The following ZNF536 variants were observed in gnomAD, a reference collection of about 807,000 sequenced individuals.
ZNF536 encodes the protein zinc finger protein 536.
ZNF536 carries 13 observed loss-of-function variants against 84.5 expected under a neutral mutation model. The observed-to-expected ratio is 0.15, with a 90% CI of 0.10 to 0.24. The LOEUF (loss-of-function observed/expected upper bound fraction) is 0.24, where lower values mean the gene tolerates loss of function less well. Ranked by LOEUF, ZNF536 falls within the 10% of genes least tolerant of loss-of-function variation. ZNF536 has a pLI of 1.00. For synonymous variants in ZNF536, 811 were observed against 742.5 expected (o/e 1.09, Z -1.50); for missense variants, 1,536 against 1,747.5 (o/e 0.88, Z 2.16).
chr19:30,666,802 A>G lies in ZNF536; in HGVS notation c.170-43955A>G, dbSNP rs114253540. ...ATATATTCAAAAATATATATGTAAA[A>G]TATATGTATGTGTATATATGTGTGT... On this transcript the variant is annotated intron_variant, in intron 1 of 1. Coordinates refer to the ZNF536 transcript ENST00000592773. Among the ~76,000 whole-genome samples, 482 of 150,322 alleles carry G rather than the reference A, an allele frequency of 3.2e-3. 3 individuals are homozygous for G. The highest frequency in any genetic ancestry group is 0.011 in the African/African-American group (455 of 40,980).
intron 1 of ZNF536, among the ~76,000 whole-genome samples, chr19:30,232,214 A>G (rs1306806790): frequency 6.6e-6 from 1 of 152,154 alleles, no homozygotes; most frequent in Non-Finnish European, 1.5e-5. Context: ...GCCTGGTGAT[A>G]AGGGCTGCTG....
chr19:30,597,078 G>A (rs534417746), intron 1 of ZNF536, among the ~76,000 whole-genome samples: 1 of 152,250 alleles, frequency 6.6e-6, no homozygotes, highest in South Asian at 2.1e-4. Context: ...TCCCTTAAAT[G>A]TGCTAGGCTG....
At chr19:30,385,573 G>A (rs1454493757) in intron 1 of ZNF536, among the ~76,000 whole-genome samples, 1 of 152,026 alleles carries the variant, frequency 6.6e-6, no homozygotes, top group African/African-American at 2.4e-5. Flanking sequence ...GTTAACATCC[G>A]GACTTGACAT....
At chr19:30,562,105 G>A (rs538985329), downstream of ZNF536, among the ~76,000 whole-genome samples, 7 of 152,182 alleles carry the variant, frequency 4.6e-5, no homozygotes, top group East Asian at 3.9e-4. Context: ...GATAACTCAC[G>A]TGTCCTCTTT....
intron 1 of ZNF536, among the ~76,000 whole-genome samples, chr19:30,640,920 T>C (rs930896541): frequency 7.2e-5 from 11 of 152,230 alleles, no homozygotes; most frequent in Admixed American, 1.3e-4. Flanking sequence ...TGGTTTGGTA[T>C]GAAGGCCCTG....
intron 1 of ZNF536, among the ~76,000 whole-genome samples, chr19:30,379,157 G>A (rs565641244): frequency 6.6e-6 from 1 of 152,338 alleles, no homozygotes; most frequent in East Asian, 1.9e-4. Context: ...TTTGAAGTTT[G>A]TGTATTCTCC....
chr19:30,288,171 A>C (rs1301832842), intron 2 of ZNF536, among the ~76,000 whole-genome samples: 1 of 152,234 alleles, frequency 6.6e-6, no homozygotes, highest in Non-Finnish European at 1.5e-5. Context: ...ACGTAGGCGA[A>C]GATGATCTCT....
intron 1 of ZNF536, among the ~76,000 whole-genome samples, chr19:30,429,801 C>T (rs139118219): frequency 5.3e-5 from 8 of 152,042 alleles, no homozygotes; most frequent in African/African-American, 1.5e-4. Flanking sequence ...TGAGCAAGTA[C>T]GAGAATGCTG....
At chr19:30,485,445 T>C (rs1485958875) in intron 2 of ZNF536, among the ~76,000 whole-genome samples, 1 of 152,192 alleles carries the variant, frequency 6.6e-6, no homozygotes, top group Non-Finnish European at 1.5e-5. Flanking sequence ...AACCTTTAGC[T>C]AGCAACTCCC....
intron 1 of ZNF536, among the ~76,000 whole-genome samples, chr19:30,655,836 C>A (rs760219165): frequency 6.6e-6 from 1 of 151,974 alleles, no homozygotes; most frequent in Non-Finnish European, 1.5e-5. Flanking sequence ...CCTAGGAGTT[C>A]GAGACTAGCC....
intron 1 of ZNF536, among the ~76,000 whole-genome samples, chr19:30,609,999 T>C (rs2048045978): frequency 6.6e-6 from 1 of 150,792 alleles, no homozygotes; most frequent in Admixed American, 6.6e-5. Context: ...CCCACCCATC[T>C]ATCCATTCAT....
intron 1 of ZNF536, among the ~76,000 whole-genome samples, chr19:30,428,475 C>T (rs2051308621): frequency 6.6e-6 from 1 of 152,200 alleles, no homozygotes; most frequent in African/African-American, 2.4e-5. Flanking sequence ...TCCTCTGTTA[C>T]CCAGAGTCCC....
At chr19:30,681,020 T>G (rs1206273338) in intron 1 of ZNF536, among the ~76,000 whole-genome samples, 1 of 152,182 alleles carries the variant, frequency 6.6e-6, no homozygotes, top group Non-Finnish European at 1.5e-5. Context: ...TGAGCATTTT[T>G]TCATGTCGTT....
chr19:30,292,177 C>A (rs1250652084), intron 2 of ZNF536, among the ~76,000 whole-genome samples: 1 of 152,160 alleles, frequency 6.6e-6, no homozygotes, highest in Non-Finnish European at 1.5e-5. Context: ...GAAACTGAGG[C>A]TCAGCAAAGA....
At chr19:30,355,023 T>C (rs946733237) in intron 3 of ZNF536, among the ~76,000 whole-genome samples, 2 of 152,180 alleles carry the variant, frequency 1.3e-5, no homozygotes, top group African/African-American at 2.4e-5. Context: ...CACTTGTCCT[T>C]TTGGAGTCTT....
At chr19:30,671,925 A>G (rs904515533) in intron 1 of ZNF536, among the ~76,000 whole-genome samples, 2 of 152,148 alleles carry the variant, frequency 1.3e-5, no homozygotes, top group Non-Finnish European at 2.9e-5. Flanking sequence ...GACTTGAGGC[A>G]TCAAGACAGG....
At chr19:30,606,512 C>T (rs1207069652) in intron 1 of ZNF536, among the ~76,000 whole-genome samples, 1 of 152,102 alleles carries the variant, frequency 6.6e-6, no homozygotes, top group Non-Finnish European at 1.5e-5. Context: ...GGTGCTGAGC[C>T]ACCTGAAGTA....
At chr19:30,649,204 G>A (rs1027442911) in intron 1 of ZNF536, among the ~76,000 whole-genome samples, 2 of 152,174 alleles carry the variant, frequency 1.3e-5, no homozygotes, top group African/African-American at 4.8e-5. Context: ...AGAGTCACAG[G>A]TGCTTCATAA....
At chr19:30,429,571 C>CA (rs973051359) in intron 1 of ZNF536, among the ~76,000 whole-genome samples, 4 of 152,042 alleles carry the variant, frequency 2.6e-5, no homozygotes, top group Admixed American at 6.5e-5. Context: ...TTGTTGTTCT[C>CA]AAAAAAACTC....
Sources: gnomAD v4.1 joint callset for allele counts (sites outside exome capture counted in the v4.1 genomes callset) on GRCh38, gnomAD v4.1.1 for gene constraint, MANE v1.5 for transcripts, NCBI Gene and HGNC (gene_info 2026-07-23, HGNC 2026-07-21) for gene names.